Variants in CSMD1 observed in about 807,000 individuals in gnomAD.
The protein encoded by CSMD1 is CUB and sushi domain-containing protein 1.
A neutral mutation model predicts 417.5 loss-of-function variants in CSMD1; 213 were observed. The observed-to-expected ratio is 0.51, with a 90% CI of 0.46 to 0.57. The LOEUF (loss-of-function observed/expected upper bound fraction) is 0.57, where lower values mean the gene tolerates loss of function less well. Ranked by LOEUF, CSMD1 falls within the 20% of genes least tolerant of loss-of-function variation. The pLI, the probability that CSMD1 is intolerant of heterozygous loss-of-function variation, is 0.00. For missense variants in CSMD1, 6,923 were observed against 4,529.7 expected (o/e 1.53, Z -15.17); for synonymous variants, 2,862 against 1,736.8 (o/e 1.65, Z -16.11).
intron 3 of CSMD1, among the ~76,000 whole-genome samples, chr8:4,255,121 G>A (rs773412590): frequency 1.3e-5 from 2 of 152,070 alleles, no homozygotes; most frequent in Admixed American, 6.5e-5. Context: ...CTTCCTTTGA[G>A]AGTATCAGTT....
chr8:3,987,909 G>C (rs149884616), intron 5 of CSMD1, among the ~76,000 whole-genome samples: 3 of 152,238 alleles, frequency 2.0e-5, no homozygotes, highest in East Asian at 1.9e-4. Context: ...CCTGATCTCT[G>C]AGAGTCACAC....
At chr8:3,454,358 A>C (rs1003389617) in intron 12 of CSMD1, among the ~76,000 whole-genome samples, 2 of 152,104 alleles carry the variant, frequency 1.3e-5, no homozygotes, top group African/African-American at 4.8e-5. Flanking sequence ...AGTTATTATG[A>C]TGTTAGCTGG....
At chr8:3,247,104 CT>C in intron 26 of CSMD1, among the ~76,000 whole-genome samples, 1 of 152,130 alleles carries the variant, frequency 6.6e-6, no homozygotes, top group Non-Finnish European at 1.5e-5. Flanking sequence ...GAGAAGCTGC[CT>C]GGGTGAGGTG....
At chr8:3,827,797 G>T (rs943783974) in intron 5 of CSMD1, among the ~76,000 whole-genome samples, 1 of 152,138 alleles carries the variant, frequency 6.6e-6, no homozygotes, top group Non-Finnish European at 1.5e-5. Flanking sequence ...ATTATTGCCA[G>T]TTACACAAAT....
At chr8:4,172,473 T>C (rs1463102798) in intron 3 of CSMD1, among the ~76,000 whole-genome samples, 4 of 152,088 alleles carry the variant, frequency 2.6e-5, no homozygotes, top group African/African-American at 7.2e-5. Context: ...GACACTATCT[T>C]ATTCACATGA....
chr8:4,079,102 G>A (rs950713721), intron 3 of CSMD1, among the ~76,000 whole-genome samples: 7 of 151,682 alleles, frequency 4.6e-5, no homozygotes, highest in African/African-American at 1.7e-4. Context: ...GGTTCAAATA[G>A]GGTGGTGTTT....
At chr8:3,180,632 TTTTG>T (rs756052324) in intron 37 of CSMD1, among the ~76,000 whole-genome samples, 11 of 152,218 alleles carry the variant, frequency 7.2e-5, no homozygotes, top group East Asian at 1.9e-4. Context: ...TGTATATTTC[TTTTG>T]TTTGTTTGTT....
intron 3 of CSMD1, among the ~76,000 whole-genome samples, chr8:4,312,975 G>C (rs10095064): frequency 0.11 from 17,330 of 152,160 alleles, 3,076 homozygotes; most frequent in African/African-American, 0.38. Context: ...GACCTGCAAG[G>C]TAAGTTTTGC....
At chr8:3,675,726 C>T (rs1282747079) in intron 7 of CSMD1, among the ~76,000 whole-genome samples, 3 of 152,054 alleles carry the variant, frequency 2.0e-5, no homozygotes, top group Middle Eastern at 3.2e-3. Context: ...TCTATAAGCA[C>T]CTTGATCTTG....
At chr8:3,435,466 T>C (rs1378650798) in intron 12 of CSMD1, among the ~76,000 whole-genome samples, 2 of 152,192 alleles carry the variant, frequency 1.3e-5, no homozygotes, top group Non-Finnish European at 2.9e-5. Context: ...GACCACCACA[T>C]TCTGTCCAAT....
rs191203926 is a variant in CSMD1, at chr8:3,461,019, C to A, written c.1561+7693G>T. Among the ~76,000 whole-genome samples the A allele has an allele frequency of 2.6e-5, 4 of 152,226 alleles. No homozygotes were observed. The South Asian group carries it at 8.3e-4, about 32-fold the overall frequency. Reference sequence around the variant, plus strand: ...TGGAATGGCAGTCCTCAGGAAAGCCCGTTGAGAGGATATTTGAATTTACAG... The same window carrying A: ...TGGAATGGCAGTCCTCAGGAAAGCCAGTTGAGAGGATATTTGAATTTACAG... On this transcript the variant is annotated intron_variant, in intron 12 of 69. Coordinates refer to ENST00000635120, the MANE Select transcript of CSMD1 (RefSeq NM_033225.6).
intron 1 of CSMD1, among the ~76,000 whole-genome samples, chr8:4,883,783 A>G (rs959868013): frequency 1.3e-5 from 2 of 152,068 alleles, no homozygotes; most frequent in South Asian, 2.1e-4. Context: ...GCTGCTATGA[A>G]CATTCATGTA....
intron 3 of CSMD1, among the ~76,000 whole-genome samples, chr8:4,079,515 G>C (rs1373706067): frequency 1.3e-5 from 2 of 152,138 alleles, no homozygotes; most frequent in Non-Finnish European, 2.9e-5. Flanking sequence ...AAACAATGAA[G>C]ACAGCTGCAC....
Position 3,988,912 on chromosome 8 carries a change from A to G in CSMD1, c.818+8991T>C, listed in dbSNP as rs560887540. ...AACCAAAGTAAGATCAATGTTTTAAAAGTTGAGTGGAGAAGTTAACAGCTT... is the reference window on the plus strand; with the variant it reads ...AACCAAAGTAAGATCAATGTTTTAAGAGTTGAGTGGAGAAGTTAACAGCTT... On this transcript the variant is annotated intron_variant, in intron 5 of 69. Coordinates refer to ENST00000635120, the MANE Select transcript of CSMD1 (RefSeq NM_033225.6). Among the ~76,000 whole-genome samples the G allele has an allele frequency of 6.6e-5, 10 of 152,340 alleles. No individual in the cohort carries two copies. The South Asian group carries it at 2.1e-3, about 32-fold the overall frequency.
intron 7 of CSMD1, among the ~76,000 whole-genome samples, chr8:3,673,691 T>A (rs1049359616): frequency 5.3e-5 from 8 of 152,166 alleles, no homozygotes; most frequent in African/African-American, 1.9e-4. Flanking sequence ...TTACACCCAA[T>A]CAGCTGGCTT....
chr8:4,451,797 C>A (rs1370319113), intron 2 of CSMD1, among the ~76,000 whole-genome samples: 1 of 151,988 alleles, frequency 6.6e-6, no homozygotes, highest in African/African-American at 2.4e-5. Context: ...TCCACAATGC[C>A]ATCTTAAAGG....
intron 7 of CSMD1, among the ~76,000 whole-genome samples, chr8:3,648,770 T>G (rs1797701436): frequency 6.6e-6 from 1 of 152,188 alleles, no homozygotes; most frequent in Non-Finnish European, 1.5e-5. Context: ...GTAAGCAGTA[T>G]GCATTGTATT....
At position 2,973,947 on chromosome 8, in the gene CSMD1, T is replaced by C. The variant is rs538480589; in HGVS notation, c.8740+504A>G. 3.6e-5 allele frequency among the ~76,000 whole-genome samples: 5 copies of C among 139,378 alleles called. No homozygotes were observed. In the South Asian group the frequency reaches 9.3e-4, roughly 26 times the overall value. The allele number at this position is 139,378 out of a possible 152,430, so 91.4% of individuals were successfully genotyped here. ...GGTAGAGGATGGTGGTAGAGGATGA[T>C]GGTAGAGGATGATGGTAGAGGATGG... On this transcript the variant is annotated intron_variant, in intron 56 of 69. Transcript: ENST00000635120.
At chr8:3,843,116 G>C (rs907573434) in intron 5 of CSMD1, among the ~76,000 whole-genome samples, 1 of 152,080 alleles carries the variant, frequency 6.6e-6, no homozygotes, top group East Asian at 1.9e-4. Context: ...TAGAGAGTTT[G>C]AATAAATGAT....
Sources: allele counts gnomAD v4.1 joint callset (sites outside exome capture counted in the v4.1 genomes callset), GRCh38; gene constraint gnomAD v4.1.1; transcripts MANE v1.5; gene names NCBI Gene and HGNC (gene_info 2026-07-23, HGNC 2026-07-21).